ANKRD34B: variants seen among roughly 807,000 people sequenced by gnomAD.
The protein encoded by ANKRD34B is ankyrin repeat domain 34B.
ANKRD34B carries 2 observed loss-of-function variants against 4.4 expected under a neutral mutation model. The observed-to-expected ratio is 0.46, with a 90% CI of 0.19 to 1.44. The LOEUF is 1.44. Ranked by LOEUF, ANKRD34B falls within the 40% of genes most tolerant of loss-of-function variation. The pLI is 0.26. For missense variants in ANKRD34B, 558 were observed against 604.7 expected (o/e 0.92, Z 0.81); for synonymous variants, 226 against 227.1 (o/e 0.99, Z 0.05).
At chr5:80,565,969 T>C (rs1746552475) in intron 3 of ANKRD34B, among the ~76,000 whole-genome samples, 1 of 152,242 alleles carries the variant, frequency 6.6e-6, no homozygotes, top group Non-Finnish European at 1.5e-5. Flanking sequence ...TTGCAGTGTC[T>C]TTAATATCAC....
chr5:80,557,878 C>T lies in ANKRD34B; in HGVS notation c.*597G>A, dbSNP rs550225487. 2.0e-5 allele frequency: 3 copies of T among 152,238 alleles called. No homozygotes were observed. The highest frequency in any genetic ancestry group is 6.5e-5 in the Admixed American group (1 of 15,298). 9.4% of individuals were successfully genotyped at this position (152,238 alleles called of 1,614,324 possible). ...TTTGACACTAATTAAACTGACACCA[C>T]GAATATTTTAGTTGCCCATTCTAAT... On this transcript the variant is annotated 3_prime_UTR_variant, in exon 5 of 5. Coordinates refer to ENST00000338682, the MANE Select transcript of ANKRD34B (RefSeq NM_001004441.3).
rs748840035 is a variant in ANKRD34B at position 80,559,614 on chromosome 5, C to T, written c.406G>A (p.Val136Ile). ...TTTGCCTTGCAAGCACTAAGAAGAA[C>T]TTTCAGGGTCTCTGTATCTTCTGAA... ...INSEDTETLK[V>I]LLSACKAKGK... The change falls in exon 5 of 5, where the codon GTT becomes ATT. Residue 136 changes from valine (V) to isoleucine (I), a missense_variant. Physicochemically the swap from Val to Ile is conservative, Grantham distance 29. Coordinates refer to ENST00000338682, the MANE Select transcript of ANKRD34B (RefSeq NM_001004441.3). 1.3e-5 allele frequency: 21 copies of T among 1,614,072 alleles called. No homozygotes were observed. Among genetic ancestry groups the T allele is most frequent in the Non-Finnish European group, 1.7e-5 (20 of 1,180,054 alleles).
intron 4 of ANKRD34B, among the ~76,000 whole-genome samples, chr5:80,560,530 T>A (rs751854793): frequency 1.3e-5 from 2 of 152,050 alleles, no homozygotes; most frequent in African/African-American, 2.4e-5. Context: ...GGCATGGTGG[T>A]GTGACCTGTA....
In ANKRD34B at chr5:80,556,836, T is replaced by A. The variant is rs1746250052; in HGVS notation, c.*1639A>T. 6.6e-6 allele frequency: 1 copy of A among 152,634 alleles called. No individual in the cohort carries two copies. Among genetic ancestry groups the A allele is most frequent in the Non-Finnish European group, 1.5e-5 (1 of 68,024 alleles). 9.5% of individuals were successfully genotyped at this position (152,634 alleles called of 1,614,324 possible). ...CCCTTCCAAATTGTATCCTTACAAC[T>A]TGAAGTCAAGTACTTTTCTCGATAT... On this transcript the variant is annotated 3_prime_UTR_variant, in exon 5 of 5. Transcript: ENST00000338682.
Position 80,567,621 on chromosome 5 carries a change from C to CAAAAAAAAAAAA in ANKRD34B, c.-190-859_-190-848dup, listed in dbSNP as rs111603222. ...GGGTGACAAAAGCAAGACTCCGTCTCAAAAAAAAAAAAAAAGAAAAGAAAA... is the reference window on the plus strand; with the variant it reads ...GGGTGACAAAAGCAAGACTCCGTCTCAAAAAAAAAAAAAAAAAAAAAAAAAAAGAAAAGAAAA... On this transcript the variant is annotated intron_variant, in intron 2 of 4. Transcript: ENST00000338682. Among the ~76,000 whole-genome samples the CAAAAAAAAAAAA allele has an allele frequency of 2.1e-3, 105 of 50,420 alleles. 1 individual carries two copies. Among genetic ancestry groups the CAAAAAAAAAAAA allele is most frequent in the African/African-American group, 4.9e-3 (77 of 15,816 alleles). 33.1% of individuals were successfully genotyped at this position (50,420 alleles called of 152,430 possible).
chr5:80,564,666 T>C (rs1166957788), intron 3 of ANKRD34B, among the ~76,000 whole-genome samples: 2 of 151,368 alleles, frequency 1.3e-5, no homozygotes, highest in African/African-American at 2.4e-5. Flanking sequence ...TTTTCCTCAT[T>C]ATAAAGACTT....
At position 80,558,995 on chromosome 5, in the gene ANKRD34B, T is replaced by C. The variant is rs1460670099; in HGVS notation, c.1025A>G (p.Gln342Arg). Residue 342 changes from glutamine to arginine, a missense_variant, in exon 5 of 5, where the codon CAG becomes CGG. Coordinates refer to ENST00000338682, the MANE Select transcript of ANKRD34B (RefSeq NM_001004441.3). ...TATTGTCTGGTTAGAATCTGGGTCC[T>C]GGTCAACAGGGACTTCAATGCATTG... is the stretch of plus-strand genomic sequence containing the variant. ...NQQCIEVPVD[Q>R]DPDSNQTIFA... 2 of 1,614,250 alleles carry C rather than the reference T, an allele frequency of 1.2e-6. No homozygotes were observed. The highest frequency in any genetic ancestry group is 2.7e-5 in the African/African-American group (2 of 75,056).
At chr5:80,565,522 C>T (rs1043886925) in intron 3 of ANKRD34B, among the ~76,000 whole-genome samples, 3 of 152,256 alleles carry the variant, frequency 2.0e-5, no homozygotes, top group Admixed American at 6.5e-5. Context: ...GATCAAGTCT[C>T]TCAGCCTCTA....
Position 80,558,668 on chromosome 5 carries a change from G to A in ANKRD34B, c.1352C>T (p.Pro451Leu). 6.2e-7 allele frequency: 1 copy of A among 1,614,080 alleles called. No individual in the cohort carries two copies. Among genetic ancestry groups the A allele is most frequent in the Non-Finnish European group, 8.5e-7 (1 of 1,180,002 alleles). The change falls in exon 5 of 5, where the codon CCC becomes CTC. Residue 451 changes from proline to leucine, a missense_variant. Pro to Leu is a moderately conservative substitution (Grantham distance 98). Coordinates refer to ENST00000338682, the MANE Select transcript of ANKRD34B (RefSeq NM_001004441.3). ...GGGAGGGTGAGAATTTACATTTAAGGGTGGGAGAAACCCTTGTCTGGTTTG... is the reference window on the plus strand; with the variant it reads ...GGGAGGGTGAGAATTTACATTTAAGAGTGGGAGAAACCCTTGTCTGGTTTG... The part of the protein sequence containing the change: ...VTQTRQGFLP[P>L]LNVNSHPPIS...
At chr5:80,560,133 G>A (rs1236479561) in intron 4 of ANKRD34B, 91 bp from the exon 5 acceptor site, 4 of 737,794 alleles carry the variant, frequency 5.4e-6, no homozygotes, top group Non-Finnish European at 8.7e-6. Flanking sequence ...TTGAAAATAT[G>A]TAGGGGACAT....
rs1360397435 is a variant in ANKRD34B at position 80,558,014 on chromosome 5, C to T, written c.*461G>A. 1.3e-5 allele frequency: 2 copies of T among 152,172 alleles called. No individual in the cohort carries two copies. The highest frequency in any genetic ancestry group is 6.6e-5 in the Admixed American group (1 of 15,262). The allele number at this position is 152,172 out of a possible 1,614,324, so 9.4% of individuals were successfully genotyped here. A position where few individuals can be genotyped will look rare whatever the true frequency, so the allele number is the denominator to read the frequency against. ...TAGCTCGAGTTTTTTTATCTTAGAA[C>T]ATTTTACAGCTGTCGGTGTTTTCTT... On this transcript the variant is annotated 3_prime_UTR_variant, in exon 5 of 5. Coordinates refer to ENST00000338682, the MANE Select transcript of ANKRD34B (RefSeq NM_001004441.3).
In ANKRD34B at chr5:80,559,658, G is replaced by T. The variant is rs1478341471; in HGVS notation, c.362C>A (p.Ala121Asp). The T allele has an allele frequency of 1.9e-6, 3 of 1,614,210 alleles. No homozygotes were observed. Among genetic ancestry groups the T allele is most frequent in the South Asian group, 1.1e-5 (1 of 91,086 alleles). Residue 121 changes from alanine (A) to aspartate (D), a missense_variant, in exon 5 of 5, where the codon GCT becomes GAT. Ala to Asp is a moderately radical substitution (Grantham distance 126, BLOSUM62 -2). Transcript: ENST00000338682. ...LSLQDHSSYS[A>D]LVYAINSEDT... Reference sequence around the variant, plus strand: ...TTCTGAATTTATAGCATAAACAAGAGCTGAGTAACTAGAATGGTCTTGCAA... The same window carrying T: ...TTCTGAATTTATAGCATAAACAAGATCTGAGTAACTAGAATGGTCTTGCAA...
chr5:80,563,418 A>G (rs1306258009), intron 4 of ANKRD34B, among the ~76,000 whole-genome samples: 2 of 152,254 alleles, frequency 1.3e-5, no homozygotes, highest in African/African-American at 2.4e-5. Flanking sequence ...AGAAAAGAGC[A>G]TAGCATATAT....
intron 2 of ANKRD34B, among the ~76,000 whole-genome samples, chr5:80,567,621 C>CAAAGAAAAAAAAAAAAAAAAAAA (rs1746609984): frequency 2.0e-5 from 1 of 50,560 alleles, no homozygotes; most frequent in South Asian, 7.5e-4. Flanking sequence ...GACTCCGTCT[C>CAAAGAAAAAAAAAAAAAAAAAAA]AAAAAAAAAA....
chr5:80,557,580 T>G lies in ANKRD34B; in HGVS notation c.*895A>C, dbSNP rs1746280274. 4 of 152,022 alleles carry G rather than the reference T, an allele frequency of 2.6e-5. No homozygotes were observed. Among genetic ancestry groups the G allele is most frequent in the Non-Finnish European group, 4.4e-5 (3 of 67,980 alleles). 9.4% of individuals were successfully genotyped at this position (152,022 alleles called of 1,614,324 possible). On this transcript the variant is annotated 3_prime_UTR_variant, in exon 5 of 5. Coordinates refer to ENST00000338682, the MANE Select transcript of ANKRD34B (RefSeq NM_001004441.3). The stretch of plus-strand genomic sequence containing the variant: ...TTTGGTTCTTTTTGAAAGACAAGAA[T>G]AATTTGATATAAGTAAAGAGGAATG...
At position 80,558,717 on chromosome 5, in the gene ANKRD34B, A is replaced by G. The variant is rs1247952971; in HGVS notation, c.1303T>C (p.Phe435Leu). ...TGGGTAACACTGTGATCTAAAGGGA[A>G]AGCTCCTGAACCTCGCCTTTCTAAA... Reference protein sequence around the residue: ...AVLERRGSGAFPLDHSVTQTR... With the variant: ...AVLERRGSGALPLDHSVTQTR... Residue 435 changes from phenylalanine to leucine, a missense_variant, in exon 5 of 5, where the codon TTC (phenylalanine) becomes CTC (leucine). By Grantham distance (22) the Phe-to-Leu change is conservative. Transcript: ENST00000338682. 1 of 1,614,156 alleles carries G rather than the reference A, an allele frequency of 6.2e-7. No homozygotes were observed. Among genetic ancestry groups the G allele is most frequent in the South Asian group, 1.1e-5 (1 of 91,074 alleles).
At position 80,559,843 on chromosome 5, in the gene ANKRD34B, C is replaced by T. The variant is rs1436685776; in HGVS notation, c.177G>A (p.Gln59=). The part of the protein sequence containing the change: ...IACKTKHVDH[Q]SVSKAKMVKY... ...TCACCATTTTGGCTTTACTGACACT[C>T]TGGTGATCGACATGTTTGGTCTTAC... Residue 59 remains glutamine (Q), a synonymous_variant, in exon 5 of 5, where the codon CAG becomes CAA. Coordinates refer to ENST00000338682, the MANE Select transcript of ANKRD34B (RefSeq NM_001004441.3). 1.2e-6 allele frequency: 2 copies of T among 1,614,106 alleles called. No homozygotes were observed. The highest frequency in any genetic ancestry group is 2.7e-5 in the African/African-American group (2 of 74,926).
intron 4 of ANKRD34B, among the ~76,000 whole-genome samples, chr5:80,562,780 T>G (rs1746442764): frequency 6.6e-6 from 1 of 152,212 alleles, no homozygotes; most frequent in African/African-American, 2.4e-5. Flanking sequence ...ACCCACATGT[T>G]TAGGTTCTTT....
chr5:80,560,134 T>A, intron 4 of ANKRD34B, 92 bp from the exon 5 acceptor site: 1 of 734,644 alleles, frequency 1.4e-6, no homozygotes, highest in Non-Finnish European at 2.2e-6. Flanking sequence ...TGAAAATATG[T>A]AGGGGACATA....
Sources: gnomAD v4.1 joint callset for allele counts (sites outside exome capture counted in the v4.1 genomes callset) on GRCh38, gnomAD v4.1.1 for gene constraint, MANE v1.5 for transcripts, NCBI Gene and HGNC (gene_info 2026-07-23, HGNC 2026-07-21) for gene names.